ESRRG: variants seen among roughly 807,000 people sequenced by gnomAD.
ESRRG encodes estrogen related receptor gamma, also known as estrogen-related receptor gamma.
A neutral mutation model predicts 44.0 loss-of-function variants in ESRRG; 13 were observed. The observed-to-expected ratio is 0.30, with a 90% CI of 0.19 to 0.47. The LOEUF (loss-of-function observed/expected upper bound fraction) is 0.47, where lower values mean the gene tolerates loss of function less well. Ranked by LOEUF, ESRRG falls within the 20% of genes least tolerant of loss-of-function variation. The pLI is 1.00. For synonymous variants in ESRRG, 215 were observed against 214.6 expected (o/e 1.00, Z -0.02); for missense variants, 395 against 580.6 (o/e 0.68, Z 3.29).
intron 2 of ESRRG, among the ~76,000 whole-genome samples, chr1:216,856,948 C>T (rs2095953442): frequency 6.6e-6 from 1 of 152,076 alleles, no homozygotes; most frequent in South Asian, 2.1e-4. Flanking sequence ...CAGCCGACAC[C>T]TTATTAAGGC....
intron 1 of ESRRG, among the ~76,000 whole-genome samples, chr1:216,976,536 G>A (rs1429707955): frequency 6.6e-6 from 1 of 152,014 alleles, no homozygotes; most frequent in Non-Finnish European, 1.5e-5. Flanking sequence ...GTCTCCATAG[G>A]TCTGACATTT....
At chr1:216,755,931 G>A (rs977923793) in intron 2 of ESRRG, among the ~76,000 whole-genome samples, 2 of 151,966 alleles carry the variant, frequency 1.3e-5, no homozygotes, top group African/African-American at 4.8e-5. Flanking sequence ...ATCCAGAGAT[G>A]TTGCCTGACC....
chr1:216,621,422 C>T (rs182982283), intron 3 of ESRRG, among the ~76,000 whole-genome samples: 7 of 152,230 alleles, frequency 4.6e-5, no homozygotes, highest in Admixed American at 3.3e-4. Context: ...CTGTTGGTTG[C>T]AGCCCATTTG....
intron 2 of ESRRG, among the ~76,000 whole-genome samples, chr1:216,751,001 C>A (rs947524160): frequency 1.3e-5 from 2 of 152,120 alleles, no homozygotes; most frequent in South Asian, 4.1e-4. Context: ...TTCCATTTAG[C>A]ACTGCTACCC....
chr1:216,655,906 C>T, intron 2 of ESRRG, among the ~76,000 whole-genome samples: 1 of 152,124 alleles, frequency 6.6e-6, no homozygotes, highest in East Asian at 1.9e-4. Context: ...AAAACCTTCC[C>T]TGGTGCTTTT....
intron 2 of ESRRG, among the ~76,000 whole-genome samples, chr1:216,745,172 GT>G (rs2091247611): frequency 6.6e-6 from 1 of 151,804 alleles, no homozygotes; most frequent in African/African-American, 2.4e-5. Context: ...TTGTTTGTTT[GT>G]TTTTAAGTCG....
At chr1:216,571,382 G>A (rs2060772496) in intron 3 of ESRRG, among the ~76,000 whole-genome samples, 1 of 152,140 alleles carries the variant, frequency 6.6e-6, no homozygotes, top group South Asian at 2.1e-4. Context: ...GGCAGAGGTT[G>A]CAGTGAACCA....
At chr1:216,553,849 A>T (rs2056956839) in intron 5 of ESRRG, among the ~76,000 whole-genome samples, 1 of 152,098 alleles carries the variant, frequency 6.6e-6, no homozygotes, top group South Asian at 2.1e-4. Flanking sequence ...TAATATAAAA[A>T]TTGTGGACTA....
chr1:217,128,312 A>G (rs933391479), intron 1 of ESRRG, among the ~76,000 whole-genome samples: 1 of 152,254 alleles, frequency 6.6e-6, no homozygotes, highest in Non-Finnish European at 1.5e-5. Context: ...ACATTTAATA[A>G]TGTCCATTGA....
chr1:216,742,607 T>C (rs1377096051), intron 2 of ESRRG, among the ~76,000 whole-genome samples: 1 of 151,938 alleles, frequency 6.6e-6, no homozygotes, highest in Non-Finnish European at 1.5e-5. Flanking sequence ...TTGCATATAC[T>C]AGATACTCAA....
At chr1:216,571,310 G>A (rs1404231886) in intron 3 of ESRRG, among the ~76,000 whole-genome samples, 1 of 151,984 alleles carries the variant, frequency 6.6e-6, no homozygotes, top group Admixed American at 6.6e-5. Context: ...GGGTGTAGTT[G>A]TGGGCACCTG....
chr1:216,559,921 A>G (rs557003545), intron 5 of ESRRG, among the ~76,000 whole-genome samples: 2 of 152,316 alleles, frequency 1.3e-5, no homozygotes, highest in African/African-American at 4.8e-5. Flanking sequence ...AAATGTAGAA[A>G]CAGTTTATCC....
chr1:217,100,503 GCTAAACCTTATC>G (rs1424156095), intron 1 of ESRRG, among the ~76,000 whole-genome samples: 17 of 152,198 alleles, frequency 1.1e-4, no homozygotes, highest in African/African-American at 4.1e-4. Flanking sequence ...AGGGTTGGAG[GCTAAACCTTATC>G]CTGAGCCAGT....
chr1:216,667,685 CAAAAAAA>C (rs67275285), intron 2 of ESRRG, among the ~76,000 whole-genome samples: 2 of 66,232 alleles, frequency 3.0e-5, no homozygotes, highest in African/African-American at 6.5e-5. Flanking sequence ...GACTCCATCT[CAAAAAAA>C]AAAAAAAAAA....
chr1:216,690,811 G>C (rs990278064), intron 1 of ESRRG, among the ~76,000 whole-genome samples: 1 of 152,044 alleles, frequency 6.6e-6, no homozygotes, highest in Non-Finnish European at 1.5e-5. Flanking sequence ...CAGAATTACA[G>C]GCAAAGCCCA....
intron 2 of ESRRG, among the ~76,000 whole-genome samples, chr1:216,795,593 G>A (rs113345646): frequency 0.025 from 3,785 of 151,578 alleles, 149 homozygotes; most frequent in African/African-American, 0.087. Context: ...CACCCGCCTC[G>A]GCCTCCCAAA....
intron 2 of ESRRG, among the ~76,000 whole-genome samples, chr1:216,836,898 A>G (rs907058529): frequency 8.5e-5 from 13 of 152,166 alleles, no homozygotes; most frequent in Admixed American, 6.5e-4. Flanking sequence ...GAAATAACTG[A>G]GAATAATCCC....
chr1:216,609,576 C>A (rs535569165), intron 3 of ESRRG, among the ~76,000 whole-genome samples: 1 of 152,202 alleles, frequency 6.6e-6, no homozygotes, highest in East Asian at 1.9e-4. Flanking sequence ...CAATAATATC[C>A]ATTTTATGAA....
intron 2 of ESRRG, among the ~76,000 whole-genome samples, chr1:216,920,792 G>A (rs1472003297): frequency 6.6e-6 from 1 of 152,158 alleles, no homozygotes; most frequent in Non-Finnish European, 1.5e-5. Flanking sequence ...GAACATGAAG[G>A]AAGAAGTTGA....
Sources: gnomAD v4.1 joint callset for allele counts (sites outside exome capture counted in the v4.1 genomes callset) on GRCh38, gnomAD v4.1.1 for gene constraint, MANE v1.5 for transcripts, NCBI Gene and HGNC (gene_info 2026-07-23, HGNC 2026-07-21) for gene names.